Variants in ZNF695 observed in about 807,000 individuals in gnomAD.
The protein encoded by ZNF695 is zinc finger protein SBZF3.
Under a neutral mutation model 11.2 loss-of-function variants are expected in ZNF695, and 11 were observed. That is an observed-to-expected ratio of 0.98 (90% CI 0.62 to 1.62). The LOEUF is 1.62. Among genes scored for constraint, ZNF695 ranks in the 40% most tolerant of loss-of-function variants. The pLI, the probability that ZNF695 is intolerant of heterozygous loss-of-function variation, is 0.00. For synonymous variants in ZNF695, 190 were observed against 201.4 expected, an observed-to-expected ratio of 0.94 and a Z score of 0.48; for missense variants, 559 against 590.5, an observed-to-expected ratio of 0.95 and a Z score of 0.55.
chr1:246,959,819 A>C (rs889878925), intron 5 of ZNF695, among the ~76,000 whole-genome samples: 1 of 152,168 alleles, frequency 6.6e-6, no homozygotes, highest in Non-Finnish European at 1.5e-5. Context: ...GGAAATTAAC[A>C]GCTAGATGTT....
At chr1:246,955,381 C>A (rs1164438368) in intron 5 of ZNF695, among the ~76,000 whole-genome samples, 2 of 152,136 alleles carry the variant, frequency 1.3e-5, no homozygotes, top group African/African-American at 4.8e-5. Flanking sequence ...TCTATTGTAA[C>A]CTTAGGGGAT....
At chr1:246,995,904 A>G (rs900594669) in intron 3 of ZNF695, 1 of 349,826 alleles carries the variant, frequency 2.9e-6, no homozygotes, top group Non-Finnish European at 5.5e-6. Flanking sequence ...ATGAAACAGA[A>G]TAGAAAACAC....
chr1:246,951,907 T>C (rs536268528), intron 5 of ZNF695, among the ~76,000 whole-genome samples: 1 of 152,328 alleles, frequency 6.6e-6, no homozygotes, highest in South Asian at 2.1e-4. Flanking sequence ...TGCTTTTTCT[T>C]CACAGCACCA....
intron 2 of ZNF695, 53 bp from the exon 3 acceptor site, chr1:246,999,493 T>C: frequency 2.9e-6 from 4 of 1,384,174 alleles, no homozygotes; most frequent in Middle Eastern, 1.8e-4. Flanking sequence ...TTTAATCACC[T>C]TTTACTATGC....
At chr1:246,974,372 G>A (rs1269677492) in intron 4 of ZNF695, among the ~76,000 whole-genome samples, 1 of 152,150 alleles carries the variant, frequency 6.6e-6, no homozygotes, top group African/African-American at 2.4e-5. Context: ...ACTGGGTTAT[G>A]AGTCCCTCCA....
intron 3 of ZNF695, among the ~76,000 whole-genome samples, chr1:246,994,103 C>T (rs868098777): frequency 2.5e-4 from 38 of 151,818 alleles, no homozygotes; most frequent in African/African-American, 7.5e-4. Context: ...TGAACCTGGG[C>T]GGCGGAGGAA....
intron 4 of ZNF695, among the ~76,000 whole-genome samples, chr1:246,971,000 A>C (rs575300309): frequency 1.3e-5 from 2 of 152,346 alleles, no homozygotes; most frequent in African/African-American, 2.4e-5. Context: ...GACACAAGAC[A>C]AGGAGATAGA....
Position 247,008,019 on chromosome 1 carries a change from A to G in ZNF695, c.-111T>C, listed in dbSNP as rs1212721910. ...CCCGGGACTCTCCGAGAGGCAGCAG[A>G]CGGGAACCCAGCACCCCGCCGGCCG... On this transcript the variant is annotated 5_prime_UTR_variant, in exon 1 of 4. Coordinates refer to ENST00000339986, the MANE Select transcript of ZNF695 (RefSeq NM_020394.5). The G allele has an allele frequency of 2.4e-6, 3 of 1,257,640 alleles. No homozygotes were observed. The highest frequency in any genetic ancestry group is 3.1e-6 in the Non-Finnish European group (3 of 960,122). The allele number at this position is 1,257,640 out of a possible 1,614,324, so 77.9% of individuals were successfully genotyped here. A position where few individuals can be genotyped will look rare whatever the true frequency, so the allele number is the denominator to read the frequency against.
At chr1:246,955,984 G>GA (rs992463415) in intron 5 of ZNF695, among the ~76,000 whole-genome samples, 1 of 148,506 alleles carries the variant, frequency 6.7e-6, no homozygotes, top group African/African-American at 2.5e-5. Flanking sequence ...GTTTGGATTG[G>GA]ATTTTTTTTT....
chr1:246,985,646 A>C lies in ZNF695; in HGVS notation c.*1321T>G. 1.0e-6 allele frequency: 1 copy of C among 985,442 alleles called. No individual in the cohort carries two copies. Among genetic ancestry groups the C allele is most frequent in the Non-Finnish European group, 1.2e-6 (1 of 829,920 alleles). 61.0% of individuals were successfully genotyped at this position (985,442 alleles called of 1,614,324 possible). A position where few individuals can be genotyped will look rare whatever the true frequency, so the allele number is the denominator to read the frequency against. ...AACAAATTAAGTTCAAACAGTCTAAAAAGAGCATTTCAAAATCCACTGAAT... is the reference window on the plus strand; with the variant it reads ...AACAAATTAAGTTCAAACAGTCTAACAAGAGCATTTCAAAATCCACTGAAT... On this transcript the variant is annotated 3_prime_UTR_variant, in exon 4 of 4. Coordinates refer to ENST00000339986, the MANE Select transcript of ZNF695 (RefSeq NM_020394.5).
intron 4 of ZNF695, among the ~76,000 whole-genome samples, chr1:246,978,194 G>C (rs1486246222): frequency 6.6e-6 from 1 of 152,164 alleles, no homozygotes; most frequent in Non-Finnish European, 1.5e-5. Flanking sequence ...TTGTGCACTG[G>C]AACAGGGTGT....
chr1:247,004,937 A>G (rs914973057), intron 1 of ZNF695, among the ~76,000 whole-genome samples: 4 of 152,240 alleles, frequency 2.6e-5, no homozygotes, highest in African/African-American at 9.6e-5. Flanking sequence ...AGCACACAAA[A>G]TAACAGAAAT....
At chr1:246,949,018 A>G (rs1691246) in intron 5 of ZNF695, among the ~76,000 whole-genome samples, 74,747 of 151,792 alleles carry the variant, frequency 0.49, 18,593 homozygotes, top group Admixed American at 0.57. Flanking sequence ...GCACTTCAAC[A>G]GCATTGAGGA....
At chr1:246,972,795 G>C (rs2103013367) in intron 4 of ZNF695, among the ~76,000 whole-genome samples, 1 of 152,114 alleles carries the variant, frequency 6.6e-6, no homozygotes, top group East Asian at 1.9e-4. Context: ...TGGGATTGCA[G>C]GCGTGAGCCA....
chr1:246,976,687 G>A (rs910741178), intron 4 of ZNF695, among the ~76,000 whole-genome samples: 9 of 151,958 alleles, frequency 5.9e-5, no homozygotes, highest in African/African-American at 1.9e-4. Flanking sequence ...CCAGCTACTC[G>A]GGAGGCTGAG....
Position 246,987,169 on chromosome 1 carries a change from G to C in ZNF695, c.1346C>G (p.Ser449Ter), listed in dbSNP as rs1329703814. Residue 449 changes from serine (S) to a stop codon, truncating the protein, a stop_gained, in exon 4 of 4, where the codon TCA becomes TGA. Coordinates refer to ENST00000339986, the MANE Select transcript of ZNF695 (RefSeq NM_020394.5). LOFTEE classifies it low-confidence loss of function (END_TRUNC). Reference protein sequence around the residue: ...DECGKAFNWFSYLTNHKRIHT... With the variant: ...DECGKAFNWF ...AATTCTCTTATGATTAGTAAGATAT[G>C]AAAACCAGTTAAAAGCTTTGCCACA... is the stretch of plus-strand genomic sequence containing the variant. 6.8e-6 allele frequency: 11 copies of C among 1,613,820 alleles called. No homozygotes were observed. The East Asian group carries it at 2.5e-4, about 36-fold the overall frequency.
chr1:247,003,988 G>A (rs1053619600), intron 1 of ZNF695, among the ~76,000 whole-genome samples: 20 of 152,310 alleles, frequency 1.3e-4, no homozygotes, highest in African/African-American at 4.3e-4. Context: ...CAAGGCGGGC[G>A]GATCACCTGA....
intron 4 of ZNF695, among the ~76,000 whole-genome samples, chr1:246,979,320 T>C (rs1254316959): frequency 6.6e-6 from 1 of 151,424 alleles, no homozygotes; most frequent in East Asian, 1.9e-4. Flanking sequence ...ACAACGGAGG[T>C]TTGAGGGGTA....
chr1:246,947,326 C>T (rs1172375095), intron 5 of ZNF695, among the ~76,000 whole-genome samples: 1 of 151,476 alleles, frequency 6.6e-6, no homozygotes, highest in South Asian at 2.1e-4. Context: ...TGGGCTCAAA[C>T]AATCCCCCTG....
Sources: allele counts gnomAD v4.1 joint callset (sites outside exome capture counted in the v4.1 genomes callset), GRCh38; gene constraint gnomAD v4.1.1; transcripts MANE v1.5; gene names NCBI Gene and HGNC (gene_info 2026-07-23, HGNC 2026-07-21).